SLC4A4: variants seen among roughly 807,000 people sequenced by gnomAD.
The protein encoded by SLC4A4 is solute carrier family 4 member 4, also known as electrogenic sodium bicarbonate cotransporter 1.
A neutral mutation model predicts 111.5 loss-of-function variants in SLC4A4; 27 were observed. That is an observed-to-expected ratio of 0.24 (90% CI 0.18 to 0.33). The LOEUF (loss-of-function observed/expected upper bound fraction) is 0.33, where lower values mean the gene tolerates loss of function less well. SLC4A4 is among the 10% of genes least tolerant of loss of function. SLC4A4 has a pLI of 1.00. For synonymous variants in SLC4A4, 443 were observed against 463.4 expected, an observed-to-expected ratio of 0.96 and a Z score of 0.57; for missense variants, 909 against 1,315.5, an observed-to-expected ratio of 0.69 and a Z score of 4.78.
At chr4:71,109,280 G>C (rs568023951) in intron 2 of SLC4A4, among the ~76,000 whole-genome samples, 1 of 152,126 alleles carries the variant, frequency 6.6e-6, no homozygotes, top group East Asian at 1.9e-4. Context: ...CATATATGTA[G>C]TTGCTTTTGA....
At chr4:71,214,506 C>T (rs1040830176) in intron 1 of SLC4A4, among the ~76,000 whole-genome samples, 1 of 152,058 alleles carries the variant, frequency 6.6e-6, no homozygotes, top group African/African-American at 2.4e-5. Context: ...GATGTGGTCC[C>T]GCCACCACTC....
At chr4:71,290,790 T>C (rs550877167) in intron 3 of SLC4A4, among the ~76,000 whole-genome samples, 1 of 152,216 alleles carries the variant, frequency 6.6e-6, no homozygotes, top group Non-Finnish European at 1.5e-5. Context: ...CTATTGGGCC[T>C]ATTTAGATTC....
intron 2 of SLC4A4, among the ~76,000 whole-genome samples, chr4:71,131,392 C>T (rs1387878518): frequency 6.6e-6 from 1 of 152,140 alleles, no homozygotes; most frequent in Non-Finnish European, 1.5e-5. Flanking sequence ...AGCTCGAGAT[C>T]ACTGGGAACT....
At position 71,547,641 on chromosome 4, in the gene SLC4A4, G is replaced by GT. The variant is rs768214553; in HGVS notation, c.2622-4dup. On this transcript the variant is annotated splice_polypyrimidine_tract_variant and splice_region_variant and intron_variant, in intron 19 of 25. Coordinates refer to ENST00000264485, the MANE Select transcript of SLC4A4 (RefSeq NM_001098484.3). ...GGTAGATTGGTAATCTTTTGATTTGGTTTCAGGGAACAAAGAGTCACTGGA... is the reference window on the plus strand; with the variant it reads ...GGTAGATTGGTAATCTTTTGATTTGGTTTTCAGGGAACAAAGAGTCACTGGA... The GT allele has an allele frequency of 1.9e-6, 3 of 1,610,336 alleles. No individual in the cohort carries two copies. The South Asian group carries it at 3.3e-5, about 18-fold the overall frequency.
chr4:71,362,911 C>T (rs762672521), intron 6 of SLC4A4, among the ~76,000 whole-genome samples: 9 of 152,124 alleles, frequency 5.9e-5, no homozygotes, highest in South Asian at 2.1e-4. Flanking sequence ...GTAGGCACCC[C>T]GGGCCTGCTC....
At chr4:71,352,449 T>A (rs1355762397) in intron 5 of SLC4A4, among the ~76,000 whole-genome samples, 1 of 152,192 alleles carries the variant, frequency 6.6e-6, no homozygotes, top group Non-Finnish European at 1.5e-5. Flanking sequence ...GCTCAGGGTT[T>A]GTCCTCTATT....
intron 20 of SLC4A4, among the ~76,000 whole-genome samples, chr4:71,550,869 G>A (rs150532793): frequency 3.5e-4 from 53 of 151,912 alleles, no homozygotes; most frequent in African/African-American, 1.0e-3. Flanking sequence ...GCTGAGGTCC[G>A]TCTTTTATGT....
Position 71,440,598 on chromosome 4 carries a change from T to C in SLC4A4, c.808-18T>C. 6.2e-7 allele frequency: 1 copy of C among 1,614,116 alleles called. No individual in the cohort carries two copies. The highest frequency in any genetic ancestry group is 8.5e-7 in the Non-Finnish European group (1 of 1,179,942). ...CCTTGTGGAACTAAATTGTGTTTCC[T>C]TGGTTCTTCTCATGCAGCTGAAGAA... On this transcript the variant is annotated intron_variant, in intron 7 of 25. Coordinates refer to ENST00000264485, the MANE Select transcript of SLC4A4 (RefSeq NM_001098484.3).
chr4:71,562,187 A>G (rs1445945223), intron 23 of SLC4A4, among the ~76,000 whole-genome samples: 2 of 151,862 alleles, frequency 1.3e-5, no homozygotes, highest in Non-Finnish European at 2.9e-5. Context: ...CTTGTTTTTT[A>G]CCTCTTCCTC....
intron 2 of SLC4A4, among the ~76,000 whole-genome samples, chr4:71,179,404 G>A (rs1385153819): frequency 6.6e-6 from 1 of 152,172 alleles, no homozygotes; most frequent in African/African-American, 2.4e-5. Context: ...AGGAACAGAG[G>A]AAGTCAAATT....
intron 2 of SLC4A4, among the ~76,000 whole-genome samples, chr4:71,099,982 G>A (rs962075311): frequency 1.3e-5 from 2 of 152,020 alleles, no homozygotes; most frequent in African/African-American, 4.8e-5. Context: ...ACCAAAAGTA[G>A]CCCAGGACCA....
At chr4:71,428,134 A>T (rs181354456) in intron 7 of SLC4A4, among the ~76,000 whole-genome samples, 3 of 152,250 alleles carry the variant, frequency 2.0e-5, no homozygotes. Context: ...AGGTGAGAGA[A>T]CACTTCTTTC....
Position 71,555,179 on chromosome 4 carries a change from A to G in SLC4A4, c.2734A>G (p.Met912Val), listed in dbSNP as rs1456255767. 2 of 1,610,220 alleles carry G rather than the reference A, an allele frequency of 1.2e-6. No homozygotes were observed. The highest frequency in any genetic ancestry group is 2.7e-5 in the African/African-American group (2 of 74,694). Residue 912 changes from methionine (M) to valine (V), a missense_variant, in exon 21 of 26, where the codon ATG becomes GTG. By Grantham distance (21) the Met-to-Val change is conservative. Coordinates refer to ENST00000264485, the MANE Select transcript of SLC4A4 (RefSeq NM_001098484.3). Reference protein sequence around the residue: ...MPVLYGVFLYMGVASLNGVQF... With the variant: ...MPVLYGVFLYVGVASLNGVQF... ...TGTACTCTATGGTGTGTTCCTGTAT[A>G]TGGGAGTAGCATCCCTTAATGGTGT...
At chr4:71,564,007 G>C (rs1560626513) in intron 24 of SLC4A4, 118 bp downstream of exon 24, 3 of 731,098 alleles carry the variant, frequency 4.1e-6, no homozygotes, top group Non-Finnish European at 7.4e-6. Flanking sequence ...CTTTTTCTAT[G>C]AGAAGATTTA....
intron 12 of SLC4A4, among the ~76,000 whole-genome samples, chr4:71,465,939 T>C (rs1014359972): frequency 3.3e-5 from 5 of 152,086 alleles, no homozygotes; most frequent in Non-Finnish European, 7.4e-5. Context: ...ACTTTTTTGG[T>C]CCCCTTTGTG....
intron 18 of SLC4A4, among the ~76,000 whole-genome samples, chr4:71,539,790 T>A (rs1481422829): frequency 6.6e-6 from 1 of 152,178 alleles, no homozygotes; most frequent in Non-Finnish European, 1.5e-5. Context: ...TTTATTCCTC[T>A]TTTCAGCTCT....
Position 71,422,639 on chromosome 4 carries a change from G to A in SLC4A4, c.808-17977G>A, listed in dbSNP as rs371082483. Among the ~76,000 whole-genome samples, 308 of 151,790 alleles carry A rather than the reference G, an allele frequency of 2.0e-3. 1 individual carries two copies. The highest frequency in any genetic ancestry group is 5.7e-3 in the South Asian group (27 of 4,708). On this transcript the variant is annotated intron_variant, in intron 7 of 25. Transcript: ENST00000264485. ...CAGCACATCAAAAAGCTTATCCACC[G>A]TGATCAAGTGGGCTTCATCCCTGGG...
intron 2 of SLC4A4, among the ~76,000 whole-genome samples, chr4:71,249,883 C>CAAA (rs3039037): frequency 7.3e-4 from 105 of 143,744 alleles, no homozygotes; most frequent in African/African-American, 2.6e-3. Context: ...GACTCTGTCT[C>CAAA]AAAAAAAAAA....
At chr4:71,446,970 C>G (rs1471946185) in intron 8 of SLC4A4, among the ~76,000 whole-genome samples, 1 of 152,160 alleles carries the variant, frequency 6.6e-6, no homozygotes, top group African/African-American at 2.4e-5. Flanking sequence ...GTTTCAGGAC[C>G]TGTTTGCTAT....
Sources: allele counts gnomAD v4.1 joint callset (sites outside exome capture counted in the v4.1 genomes callset), GRCh38; gene constraint gnomAD v4.1.1; transcripts MANE v1.5; gene names NCBI Gene and HGNC (gene_info 2026-07-23, HGNC 2026-07-21).